The following CDH12 variants were observed in gnomAD, a reference collection of about 807,000 sequenced individuals.
CDH12 encodes cadherin-12.
Under a neutral mutation model 74.1 loss-of-function variants are expected in CDH12, and 41 were observed. The ratio of observed to expected loss-of-function variants is 0.55; its 90% CI spans 0.43 to 0.72. The LOEUF (loss-of-function observed/expected upper bound fraction) is 0.72. Ranked by LOEUF, CDH12 falls within the 30% of genes least tolerant of loss-of-function variation. CDH12 has a pLI of 0.00. For synonymous variants in CDH12, 399 were observed against 355.0 expected (o/e 1.12, Z -1.39); for missense variants, 945 against 977.2 (o/e 0.97, Z 0.44).
chr5:21,872,028 T>C (rs1751650955), intron 6 of CDH12, among the ~76,000 whole-genome samples: 1 of 152,170 alleles, frequency 6.6e-6, no homozygotes, highest in East Asian at 1.9e-4. Context: ...CATGAAATAA[T>C]GAAAACCTTT....
chr5:22,421,194 A>AT (rs1215418813), intron 2 of CDH12, among the ~76,000 whole-genome samples: 1 of 151,850 alleles, frequency 6.6e-6, no homozygotes, highest in Non-Finnish European at 1.5e-5. Flanking sequence ...TCTTTTTAAA[A>AT]TTTTTTTATT....
At chr5:22,197,061 G>C (rs544952036) in intron 4 of CDH12, among the ~76,000 whole-genome samples, 1 of 152,108 alleles carries the variant, frequency 6.6e-6, no homozygotes, top group East Asian at 1.9e-4. Flanking sequence ...TAAAATAAGA[G>C]TTAAAAAATA....
chr5:22,288,118 C>A (rs1307747779), intron 3 of CDH12, among the ~76,000 whole-genome samples: 2 of 152,074 alleles, frequency 1.3e-5, no homozygotes, highest in Non-Finnish European at 2.9e-5. Flanking sequence ...TCTTGGATTC[C>A]ATGATTAAAA....
At chr5:21,796,748 G>A (rs2149915166) in intron 10 of CDH12, among the ~76,000 whole-genome samples, 1 of 152,052 alleles carries the variant, frequency 6.6e-6, no homozygotes, top group East Asian at 1.9e-4. Context: ...TACATATTGA[G>A]CAAAATTACC....
intron 1 of CDH12, among the ~76,000 whole-genome samples, chr5:22,843,056 G>T (rs1380935720): frequency 2.6e-5 from 4 of 151,834 alleles, no homozygotes; most frequent in Admixed American, 2.0e-4. Flanking sequence ...ACTTTTCTTG[G>T]CATTAAAGAA....
At chr5:21,842,108 A>G in intron 8 of CDH12, 53 bp downstream of exon 8, 1 of 1,404,460 alleles carries the variant, frequency 7.1e-7, no homozygotes, top group Non-Finnish European at 9.8e-7. Flanking sequence ...CAATGACACC[A>G]TTAAATTTTT....
intron 1 of CDH12, among the ~76,000 whole-genome samples, chr5:22,616,959 G>A (rs2126834246): frequency 6.6e-6 from 1 of 152,070 alleles, no homozygotes; most frequent in Admixed American, 6.6e-5. Flanking sequence ...TGAACTCCTG[G>A]GCTCAAGTAA....
chr5:22,822,163 A>C (rs1581035008), intron 1 of CDH12, among the ~76,000 whole-genome samples: 1 of 151,752 alleles, frequency 6.6e-6, no homozygotes, highest in Middle Eastern at 3.4e-3. Context: ...TGGTGCTGGG[A>C]AAACTGGCTA....
chr5:22,266,677 G>T (rs554741661), intron 3 of CDH12, among the ~76,000 whole-genome samples: 17 of 152,176 alleles, frequency 1.1e-4, no homozygotes, highest in Non-Finnish European at 1.8e-4. Flanking sequence ...TTGGATTAGA[G>T]AGTACAGATT....
chr5:22,535,535 T>A (rs1010023992), intron 1 of CDH12, among the ~76,000 whole-genome samples: 1 of 152,204 alleles, frequency 6.6e-6, no homozygotes, highest in Non-Finnish European at 1.5e-5. Context: ...GTGTTATCAG[T>A]AGATTCAAAG....
In CDH12 at chr5:22,532,318, G is replaced by T. The variant is rs201616248; in HGVS notation, c.-522-26954C>A. ...GCTATGGTTTGATTTGCTTTGGCATGGGCAGTTCTAACAGATAAATTATAT... is the reference window on the plus strand; with the variant it reads ...GCTATGGTTTGATTTGCTTTGGCATTGGCAGTTCTAACAGATAAATTATAT... On this transcript the variant is annotated intron_variant, in intron 1 of 14. Transcript: ENST00000382254. Among the ~76,000 whole-genome samples, 8 of 104,050 alleles carry T rather than the reference G, an allele frequency of 7.7e-5. No homozygotes were observed. The East Asian group carries it at 2.0e-3, about 27-fold the overall frequency. The allele number at this position is 104,050 out of a possible 152,430, so 68.3% of individuals were successfully genotyped here. A position where few individuals can be genotyped will look rare whatever the true frequency, so the allele number is the denominator to read the frequency against.
intron 1 of CDH12, among the ~76,000 whole-genome samples, chr5:22,852,271 C>T (rs1219138474): frequency 1.3e-5 from 2 of 152,146 alleles, no homozygotes; most frequent in African/African-American, 4.8e-5. Context: ...TCTAAATACA[C>T]TGTGGTCCCG....
chr5:21,940,345 T>C (rs1755274198), intron 6 of CDH12, among the ~76,000 whole-genome samples: 1 of 152,200 alleles, frequency 6.6e-6, no homozygotes, highest in African/African-American at 2.4e-5. Context: ...GGAGGGTGGG[T>C]GAGTCTACTT....
At chr5:21,763,351 T>C (rs1443042224) in intron 12 of CDH12, among the ~76,000 whole-genome samples, 1 of 152,186 alleles carries the variant, frequency 6.6e-6, no homozygotes, top group Non-Finnish European at 1.5e-5. Flanking sequence ...TTTCACGTAA[T>C]TTTAATTTTA....
intron 8 of CDH12, among the ~76,000 whole-genome samples, chr5:21,824,030 T>A (rs527972130): frequency 6.6e-6 from 1 of 152,140 alleles, no homozygotes; most frequent in Non-Finnish European, 1.5e-5. Flanking sequence ...AAAACATAGA[T>A]TTGGAAGTTA....
intron 5 of CDH12, among the ~76,000 whole-genome samples, chr5:21,998,497 C>T (rs1736426252): frequency 6.6e-6 from 1 of 152,008 alleles, no homozygotes; most frequent in Admixed American, 6.6e-5. Flanking sequence ...TAGTTCCCTG[C>T]TTAAAATGAG....
intron 4 of CDH12, among the ~76,000 whole-genome samples, chr5:22,083,283 C>T (rs1022967438): frequency 6.6e-6 from 1 of 152,182 alleles, no homozygotes; most frequent in African/African-American, 2.4e-5. Flanking sequence ...CAACCCTTGC[C>T]ATTCTCTTCC....
chr5:22,279,887 T>C lies in CDH12; in HGVS notation c.-332-67244A>G, dbSNP rs537977247. Among the ~76,000 whole-genome samples the C allele has an allele frequency of 2.4e-3, 372 of 152,276 alleles. 2 individuals are homozygous for C. Among genetic ancestry groups the C allele is most frequent in the African/African-American group, 8.8e-3 (366 of 41,554 alleles). On this transcript the variant is annotated intron_variant, in intron 3 of 14. Transcript: ENST00000382254. ...CATGATTTATATTCCTTTGGGTATA[T>C]ACCCGGTAATGGGATGGCTGGGTCA... is the stretch of plus-strand genomic sequence containing the variant.
intron 2 of CDH12, among the ~76,000 whole-genome samples, chr5:22,461,820 C>T (rs996786003): frequency 1.6e-4 from 24 of 150,482 alleles, no homozygotes; most frequent in African/African-American, 5.9e-4. Flanking sequence ...TGTCATTATA[C>T]TTCTCCATTT....
Sources: allele counts gnomAD v4.1 joint callset (sites outside exome capture counted in the v4.1 genomes callset), GRCh38; gene constraint gnomAD v4.1.1; transcripts MANE v1.5; gene names NCBI Gene and HGNC (gene_info 2026-07-23, HGNC 2026-07-21).